Variants in MAP4 observed in about 807,000 individuals in gnomAD.
MAP4 encodes the protein microtubule associated protein 4, also known as microtubule-associated protein 4.
In MAP4, 76 loss-of-function variants were observed where a neutral mutation model predicts 170.2. That is an observed-to-expected ratio of 0.45 (90% CI 0.37 to 0.54). MAP4 has a LOEUF of 0.54. MAP4 is among the 20% of genes least tolerant of loss of function. The pLI, the probability that MAP4 is intolerant of heterozygous loss-of-function variation, is 0.00. For missense variants in MAP4, 2,506 were observed against 2,748.0 expected (o/e 0.91, Z 1.97); for synonymous variants, 909 against 994.5 (o/e 0.91, Z 1.62).
chr3:47,974,133 A>G, intron 3 of MAP4: 1 of 985,098 alleles, frequency 1.0e-6, no homozygotes, highest in Non-Finnish European at 1.2e-6. Flanking sequence ...GATCTAAAAC[A>G]ATGTATATCT....
chr3:47,970,241 T>A (rs968876207), intron 3 of MAP4, among the ~76,000 whole-genome samples: 1 of 151,922 alleles, frequency 6.6e-6, no homozygotes, highest in Non-Finnish European at 1.5e-5. Flanking sequence ...ATCCCAGCAC[T>A]TTGGGAGGCC....
At chr3:48,073,718 A>G (rs1325992748) in intron 1 of MAP4, among the ~76,000 whole-genome samples, 1 of 152,210 alleles carries the variant, frequency 6.6e-6, no homozygotes, top group East Asian at 1.9e-4. Context: ...AAATGAAATA[A>G]GAAAATAATT....
intron 1 of MAP4, among the ~76,000 whole-genome samples, chr3:48,031,629 G>A (rs2100116163): frequency 6.6e-6 from 1 of 152,178 alleles, no homozygotes; most frequent in Non-Finnish European, 1.5e-5. Flanking sequence ...GGAGGCTGAG[G>A]TGGGAGGATC....
intron 1 of MAP4, among the ~76,000 whole-genome samples, chr3:48,027,005 C>T (rs1179851718): frequency 6.6e-6 from 1 of 152,122 alleles, no homozygotes; most frequent in Non-Finnish European, 1.5e-5. Context: ...ATGTACACAT[C>T]TGCCAGATAA....
intron 18 of MAP4, among the ~76,000 whole-genome samples, chr3:47,856,562 C>T (rs1401205639): frequency 2.6e-5 from 4 of 151,786 alleles, no homozygotes; most frequent in African/African-American, 9.7e-5. Context: ...TCAAGCAATT[C>T]TCCAAAGGCA....
intron 2 of MAP4, among the ~76,000 whole-genome samples, chr3:47,989,526 A>T (rs1190762799): frequency 3.9e-5 from 6 of 152,248 alleles, no homozygotes; most frequent in Admixed American, 3.9e-4. Context: ...AACCACCTAT[A>T]GAATAACTGT....
At chr3:47,970,990 A>G (rs1011501210) in intron 3 of MAP4, among the ~76,000 whole-genome samples, 4 of 152,218 alleles carry the variant, frequency 2.6e-5, no homozygotes, top group Non-Finnish European at 4.4e-5. Flanking sequence ...GCTGGTTTCA[A>G]TGGAGTCCTA....
In MAP4 at chr3:48,065,800, C is replaced by T. The variant is rs184441121; in HGVS notation, c.-20+22973G>A. On this transcript the variant is annotated intron_variant, in intron 1 of 18. Transcript: ENST00000360240. ...ACACCAAGGCTAACTTCTCAAGCAA[C>T]AATGTAAGCCAGAAGATAATGGAAT... Among the ~76,000 whole-genome samples, 3 of 152,144 alleles carry T rather than the reference C, an allele frequency of 2.0e-5. No individual in the cohort carries two copies. The East Asian group carries it at 5.8e-4, about 29-fold the overall frequency.
In MAP4 at chr3:47,910,246, A is replaced by C. The variant is rs756618121; in HGVS notation, c.4175T>G (p.Val1392Gly). Residue 1392 changes from valine to glycine, a missense_variant, in exon 9 of 21, where the codon GTT becomes GGT. By Grantham distance (109) the Val-to-Gly change is moderately radical. Coordinates refer to ENST00000683076, the MANE Select transcript of MAP4 (RefSeq NM_001385682.1). ...CTGGTCCCCTGTGGTTTCCATGGGA[A>C]CATGTATTTTTGTTGCATCTATCTT... Reference protein sequence around the residue: ...ENKIDATKIHVPMETTGDQGI... With the variant: ...ENKIDATKIHGPMETTGDQGI... The C allele has an allele frequency of 2.9e-5, 46 of 1,608,682 alleles. No individual in the cohort carries two copies. The highest frequency in any genetic ancestry group is 3.6e-5 in the Non-Finnish European group (43 of 1,179,744).
intron 3 of MAP4, among the ~76,000 whole-genome samples, chr3:47,945,503 T>C (rs1212149392): frequency 2.0e-5 from 3 of 152,038 alleles, no homozygotes; most frequent in African/African-American, 7.2e-5. Flanking sequence ...GTATCTGGCC[T>C]GATACCTAGG....
chr3:47,894,716 G>A (rs912706782), intron 10 of MAP4, among the ~76,000 whole-genome samples: 19 of 151,984 alleles, frequency 1.3e-4, no homozygotes, highest in African/African-American at 4.6e-4. Context: ...TGTACAATAT[G>A]TGAGGAAAAT....
intron 3 of MAP4, among the ~76,000 whole-genome samples, chr3:47,950,669 G>A (rs1415311723): frequency 6.6e-6 from 1 of 152,104 alleles, no homozygotes; most frequent in South Asian, 2.1e-4. Flanking sequence ...AAGGTCTGGC[G>A]CTTGAAAGAA....
intron 3 of MAP4, among the ~76,000 whole-genome samples, chr3:47,955,399 C>T (rs764584999): frequency 1.3e-5 from 2 of 149,328 alleles, no homozygotes; most frequent in South Asian, 2.1e-4. Context: ...AGATCTTGAT[C>T]GCGTGACATT....
Position 47,867,265 on chromosome 3 carries a change from T to C in MAP4, c.6482A>G (p.His2161Arg), listed in dbSNP as rs1425119735. The C allele has an allele frequency of 6.2e-7, 1 of 1,612,260 alleles. No homozygotes were observed. The highest frequency in any genetic ancestry group is 8.5e-7 in the Non-Finnish European group (1 of 1,178,428). The change falls in exon 17 of 21, where the codon CAT becomes CGT. Residue 2161 changes from histidine (H) to arginine (R), a missense_variant. His to Arg is a conservative substitution (Grantham distance 29, BLOSUM62 0). Transcript: ENST00000683076. ...SKCGSKDNIK[H>R]VPGGGNVQIQ... Reference sequence around the variant, plus strand: ...ACTTACATTACCACCTCCAGGGACATGCTTAATATTGTCCTTGGAACCACA... The same window carrying C: ...ACTTACATTACCACCTCCAGGGACACGCTTAATATTGTCCTTGGAACCACA...
chr3:48,074,725 T>TGTGTGTGTGTGG, intron 1 of MAP4, among the ~76,000 whole-genome samples: 1 of 147,422 alleles, frequency 6.8e-6, no homozygotes, highest in East Asian at 2.0e-4. Context: ...TGTGTGTGTG[T>TGTGTGTGTGTGG]GATATGTCGG....
chr3:48,059,027 C>T (rs1579668776), intron 1 of MAP4, among the ~76,000 whole-genome samples: 1 of 152,112 alleles, frequency 6.6e-6, no homozygotes, highest in African/African-American at 2.4e-5. Context: ...GATCTGCCCT[C>T]CTTGGCCTCC....
At chr3:48,085,076 G>C (rs1369800186) in intron 1 of MAP4, among the ~76,000 whole-genome samples, 4 of 151,206 alleles carry the variant, frequency 2.6e-5, no homozygotes, top group Non-Finnish European at 5.9e-5. Context: ...TTTTCAAATT[G>C]ACTATATACA....
At chr3:48,012,829 T>C (rs1403268256) in intron 1 of MAP4, among the ~76,000 whole-genome samples, 2 of 152,232 alleles carry the variant, frequency 1.3e-5, no homozygotes, top group Non-Finnish European at 2.9e-5. Context: ...ACTTAGCATC[T>C]GTATTTCATC....
chr3:48,057,770 C>A (rs2154555755), intron 1 of MAP4, among the ~76,000 whole-genome samples: 2 of 152,058 alleles, frequency 1.3e-5, no homozygotes, highest in Admixed American at 1.3e-4. Context: ...AATGTCAATA[C>A]CCTGGTTGTG....
Sources: allele counts gnomAD v4.1 joint callset (sites outside exome capture counted in the v4.1 genomes callset), GRCh38; gene constraint gnomAD v4.1.1; transcripts MANE v1.5; gene names NCBI Gene and HGNC (gene_info 2026-07-23, HGNC 2026-07-21).